The following CAMTA1 variants were observed in gnomAD, a reference collection of about 807,000 sequenced individuals.
CAMTA1 encodes the protein calmodulin-binding transcription activator 1.
Under a neutral mutation model 170.9 loss-of-function variants are expected in CAMTA1, and 27 were observed. The observed-to-expected ratio is 0.16, with a 90% CI of 0.12 to 0.22. The LOEUF is 0.22. CAMTA1 is among the 10% of genes least tolerant of loss of function. The pLI is 1.00. For missense variants in CAMTA1, 1,619 were observed against 2,217.2 expected, an observed-to-expected ratio of 0.73 and a Z score of 5.42; for synonymous variants, 833 against 891.5, an observed-to-expected ratio of 0.93 and a Z score of 1.17.
At chr1:6,787,330 C>T (rs1406141452) in intron 1 of CAMTA1, among the ~76,000 whole-genome samples, 1 of 152,164 alleles carries the variant, frequency 6.6e-6, no homozygotes, top group Non-Finnish European at 1.5e-5. Context: ...TCCTTTGGCT[C>T]TGGTGTTGTC....
intron 3 of CAMTA1, among the ~76,000 whole-genome samples, chr1:7,006,849 C>G (rs1426749413): frequency 6.6e-6 from 1 of 152,130 alleles, no homozygotes; most frequent in African/African-American, 2.4e-5. Context: ...TTCATGACAT[C>G]AACCAGTGGA....
rs1025555823 is a variant in CAMTA1, at chr1:7,248,121, A to G, written c.303-1370A>G. On this transcript the variant is annotated intron_variant, in intron 4 of 22. Coordinates refer to ENST00000303635, the MANE Select transcript of CAMTA1 (RefSeq NM_015215.4). The surrounding 1 kb of genome is among the most constrained non-coding windows in gnomAD (Gnocchi z 4.0). ...ATAGTGGGGCTGGGTGGAAACTACA[A>G]TTAGCTGCAGTCACCCTGGTGGGAC... Among the ~76,000 whole-genome samples, 1 of 152,170 alleles carries G rather than the reference A, an allele frequency of 6.6e-6. No individual in the cohort carries two copies.
At chr1:6,804,568 C>T (rs1466096873) in intron 1 of CAMTA1, among the ~76,000 whole-genome samples, 1 of 152,018 alleles carries the variant, frequency 6.6e-6, no homozygotes, top group African/African-American at 2.4e-5. Context: ...ATATTTATGC[C>T]TAGTGTGAAC....
intron 6 of CAMTA1, among the ~76,000 whole-genome samples, chr1:7,550,151 G>T (rs2094779310): frequency 6.6e-6 from 1 of 152,106 alleles, no homozygotes; most frequent in South Asian, 2.1e-4. Flanking sequence ...AGAGGCAGAA[G>T]ACAGCTGAGC....
chr1:6,946,898 T>G (rs1687662406), intron 3 of CAMTA1, among the ~76,000 whole-genome samples: 1 of 152,230 alleles, frequency 6.6e-6, no homozygotes, highest in African/African-American at 2.4e-5. Flanking sequence ...TCCAAGGTCA[T>G]AAAGATTTAC....
intron 5 of CAMTA1, among the ~76,000 whole-genome samples, chr1:7,350,822 G>A (rs1443480058): frequency 6.6e-6 from 1 of 152,216 alleles, no homozygotes; most frequent in Non-Finnish European, 1.5e-5. Flanking sequence ...GCACTTCTTG[G>A]ATTTGGGTCT....
intron 11 of CAMTA1, among the ~76,000 whole-genome samples, chr1:7,710,654 A>G (rs1260713119): frequency 1.3e-5 from 2 of 150,730 alleles, no homozygotes; most frequent in East Asian, 3.9e-4. Context: ...GTCCAGAATT[A>G]GTGTTATCTT....
At chr1:7,546,377 C>G (rs2094693460) in intron 6 of CAMTA1, among the ~76,000 whole-genome samples, 1 of 152,152 alleles carries the variant, frequency 6.6e-6, no homozygotes, top group South Asian at 2.1e-4. Context: ...TGTATATGTA[C>G]CACATTTTTA....
chr1:7,684,957 G>A (rs968547701), intron 11 of CAMTA1, among the ~76,000 whole-genome samples: 21 of 152,190 alleles, frequency 1.4e-4, no homozygotes, highest in East Asian at 5.8e-4. Context: ...TGTGAGAAGC[G>A]CAGTGAAGAA....
chr1:6,943,031 G>A (rs1378894836), intron 3 of CAMTA1, among the ~76,000 whole-genome samples: 2 of 152,100 alleles, frequency 1.3e-5, no homozygotes, highest in African/African-American at 4.8e-5. Context: ...GATGTCCTGG[G>A]CAACGTGCTG....
intron 5 of CAMTA1, among the ~76,000 whole-genome samples, chr1:7,387,793 C>T (rs1489698104): frequency 6.6e-6 from 1 of 152,194 alleles, no homozygotes; most frequent in African/African-American, 2.4e-5. Flanking sequence ...CTGGCAGAGT[C>T]CAGTCAGAAG....
intron 11 of CAMTA1, among the ~76,000 whole-genome samples, chr1:7,731,625 C>T (rs545703134): frequency 6.6e-6 from 1 of 151,112 alleles, no homozygotes; most frequent in South Asian, 2.1e-4. Context: ...GTGGTTCACA[C>T]CTGTAATCCC....
chr1:6,942,159 C>A (rs1686763355), intron 3 of CAMTA1, among the ~76,000 whole-genome samples: 1 of 151,870 alleles, frequency 6.6e-6, no homozygotes, highest in Non-Finnish European at 1.5e-5. Flanking sequence ...CACCCTGCTT[C>A]ATAATTGGCC....
intron 3 of CAMTA1, among the ~76,000 whole-genome samples, chr1:6,869,142 T>C (rs1355792605): frequency 6.6e-6 from 1 of 152,244 alleles, no homozygotes; most frequent in Non-Finnish European, 1.5e-5. Flanking sequence ...AGTCCATTCA[T>C]AGTCATGAGC....
At chr1:7,287,304 T>C (rs1467589561) in intron 5 of CAMTA1, among the ~76,000 whole-genome samples, 4 of 152,150 alleles carry the variant, frequency 2.6e-5, no homozygotes, top group South Asian at 4.1e-4. Context: ...ATGGCCATCA[T>C]TGTGAATTTG....
At chr1:7,639,364 C>A (rs538854164) in intron 6 of CAMTA1, among the ~76,000 whole-genome samples, 146 of 152,282 alleles carry the variant, frequency 9.6e-4, no homozygotes, top group African/African-American at 3.4e-3. Flanking sequence ...TGGGAAACTC[C>A]GCCCCAGAAA....
At chr1:7,407,716 G>A (rs1188279564) in intron 5 of CAMTA1, among the ~76,000 whole-genome samples, 1 of 152,252 alleles carries the variant, frequency 6.6e-6, no homozygotes, top group Admixed American at 6.5e-5. Flanking sequence ...CAGCCTGCAG[G>A]TCTCTGCCAG....
intron 5 of CAMTA1, among the ~76,000 whole-genome samples, chr1:7,427,918 T>C (rs530707113): frequency 2.0e-5 from 3 of 152,248 alleles, no homozygotes; most frequent in Non-Finnish European, 2.9e-5. Context: ...ATCCTTTCCT[T>C]TCTAGGGTAC....
chr1:7,449,360 G>C (rs374967706), intron 5 of CAMTA1, among the ~76,000 whole-genome samples: 1 of 152,166 alleles, frequency 6.6e-6, no homozygotes, highest in African/African-American at 2.4e-5. Context: ...TAAGACCACC[G>C]GGCCAGGCAG....
Sources: gnomAD v4.1 joint callset for allele counts (sites outside exome capture counted in the v4.1 genomes callset) on GRCh38, gnomAD v4.1.1 for gene constraint, Gnocchi (gnomAD v3.1) non-coding constraint, MANE v1.5 for transcripts, NCBI Gene and HGNC (gene_info 2026-07-23, HGNC 2026-07-21) for gene names.